The following ARHGAP8 variants were observed in gnomAD, a reference collection of about 807,000 sequenced individuals.
ARHGAP8 encodes the protein rho GTPase-activating protein 8.
In ARHGAP8, 62 loss-of-function variants were observed where a neutral mutation model predicts 46.1. The observed-to-expected ratio is 1.34, with a 90% CI of 1.10 to 1.66. The LOEUF (loss-of-function observed/expected upper bound fraction) is 1.66. Ranked by LOEUF, ARHGAP8 falls within the 40% of genes most tolerant of loss-of-function variation. ARHGAP8 has a pLI of 0.00. For missense variants in ARHGAP8, 923 were observed against 568.4 expected (o/e 1.62, Z -6.34); for synonymous variants, 375 against 243.1 (o/e 1.54, Z -5.05).
At chr22:44,860,335 C>A (rs1476680528) in intron 11 of ARHGAP8, among the ~76,000 whole-genome samples, 7 of 152,160 alleles carry the variant, frequency 4.6e-5, no homozygotes, top group Non-Finnish European at 8.8e-5. Context: ...GTGTGGCGGG[C>A]TGTGCTCCTT....
At chr22:44,858,369 GTT>G (rs67748773) in intron 10 of ARHGAP8, among the ~76,000 whole-genome samples, 19,420 of 141,930 alleles carry the variant, frequency 0.14, 1,416 homozygotes, top group East Asian at 0.3. Flanking sequence ...GTTGGTGGTG[GTT>G]TTTTTTTTTT....
chr22:44,806,755 C>A (rs1219783893), intron 3 of ARHGAP8, among the ~76,000 whole-genome samples: 1 of 151,810 alleles, frequency 6.6e-6, no homozygotes, highest in Non-Finnish European at 1.5e-5. Context: ...AAGATCAAGA[C>A]CATCCTGGCT....
At chr22:44,758,894 G>T (rs1396175535) in intron 1 of ARHGAP8, among the ~76,000 whole-genome samples, 1 of 152,214 alleles carries the variant, frequency 6.6e-6, no homozygotes, top group Admixed American at 6.5e-5. Context: ...TGGGAGAGAG[G>T]TCGGTCCTGA....
intron 1 of ARHGAP8, among the ~76,000 whole-genome samples, chr22:44,784,201 C>G (rs1350396555): frequency 2.0e-5 from 3 of 152,080 alleles, no homozygotes; most frequent in South Asian, 2.1e-4. Flanking sequence ...GCCAGGGGTT[C>G]GAGACCAGTC....
chr22:44,852,868 T>C (rs915461414), intron 10 of ARHGAP8, among the ~76,000 whole-genome samples: 1 of 152,210 alleles, frequency 6.6e-6, no homozygotes, highest in Non-Finnish European at 1.5e-5. Flanking sequence ...AGTGGCACGA[T>C]CTCGGCTCAG....
intron 8 of ARHGAP8, among the ~76,000 whole-genome samples, chr22:44,847,583 C>T (rs1438042668): frequency 1.3e-5 from 2 of 152,210 alleles, no homozygotes; most frequent in East Asian, 3.8e-4. Context: ...TGGACGTCTC[C>T]CAGGTGCCAG....
At chr22:44,785,391 C>T (rs1330735555) in intron 1 of ARHGAP8, among the ~76,000 whole-genome samples, 1 of 152,098 alleles carries the variant, frequency 6.6e-6, no homozygotes, top group Non-Finnish European at 1.5e-5. Flanking sequence ...CTGCACTTTC[C>T]CGAAGGCTCC....
In ARHGAP8 at chr22:44,862,407, C is replaced by A. The variant is rs200703595; in HGVS notation, c.1114C>A (p.Leu372Met). 66 of 1,614,058 alleles carry A rather than the reference C, an allele frequency of 4.1e-5. No individual in the cohort carries two copies. The highest frequency in any genetic ancestry group is 1.0e-5 in the Non-Finnish European group (12 of 1,180,020). ...ALVPLNMFTELLIEYYEKIFS... is the reference protein window; with the variant it reads ...ALVPLNMFTEMLIEYYEKIFS... ...TGTGCCCCTGAACATGTTCACTGAACTGCTGATCGAGTACTATGAAAAGAT... is the reference window on the plus strand; with the variant it reads ...TGTGCCCCTGAACATGTTCACTGAAATGCTGATCGAGTACTATGAAAAGAT... Residue 372 changes from leucine (L) to methionine (M), a missense_variant, in exon 12 of 12, where the codon CTG (leucine) becomes ATG (methionine). Leu to Met is a conservative substitution (Grantham distance 15). Transcript: ENST00000356099.
chr22:44,794,392 T>C (rs908265630), intron 2 of ARHGAP8, among the ~76,000 whole-genome samples: 5 of 152,172 alleles, frequency 3.3e-5, no homozygotes, highest in Admixed American at 1.3e-4. Context: ...TACAGCCCTT[T>C]GCTTTTTTTC....
chr22:44,848,226 G>A (rs1172666159), intron 9 of ARHGAP8, among the ~76,000 whole-genome samples, 176 bp downstream of exon 9: 1 of 152,256 alleles, frequency 6.6e-6, no homozygotes, highest in Non-Finnish European at 1.5e-5. Flanking sequence ...GTAGTCCAGA[G>A]TGGGGACCTT....
intron 10 of ARHGAP8, among the ~76,000 whole-genome samples, chr22:44,851,232 A>C (rs2070084971): frequency 6.6e-6 from 1 of 152,192 alleles, no homozygotes; most frequent in Admixed American, 6.5e-5. Flanking sequence ...AGTCATATTA[A>C]GCAACCCTCT....
At chr22:44,846,645 C>T (rs909731810) in intron 8 of ARHGAP8, among the ~76,000 whole-genome samples, 3 of 152,142 alleles carry the variant, frequency 2.0e-5, no homozygotes, top group South Asian at 2.1e-4. Context: ...TCCTGCTTTC[C>T]GGAAGCCCTC....
intron 1 of ARHGAP8, among the ~76,000 whole-genome samples, chr22:44,754,377 G>A (rs908233642): frequency 9.1e-6 from 1 of 109,868 alleles, no homozygotes; most frequent in Non-Finnish European, 1.9e-5. Context: ...TGTGTGTGAC[G>A]CAGTTTTCGC....
chr22:44,840,848 C>T (rs1931606722), intron 7 of ARHGAP8, among the ~76,000 whole-genome samples: 1 of 152,192 alleles, frequency 6.6e-6, no homozygotes, highest in Non-Finnish European at 1.5e-5. Context: ...TCCCTGGGGT[C>T]GCTTTTAAAA....
intron 1 of ARHGAP8, among the ~76,000 whole-genome samples, chr22:44,778,340 C>T (rs1377121911): frequency 1.3e-5 from 2 of 152,106 alleles, no homozygotes; most frequent in Admixed American, 6.6e-5. Context: ...ATCCAAGTTG[C>T]TATGAATGCC....
At chr22:44,782,587 A>G (rs1027357624) in intron 1 of ARHGAP8, among the ~76,000 whole-genome samples, 1 of 151,938 alleles carries the variant, frequency 6.6e-6, no homozygotes, top group African/African-American at 2.4e-5. Context: ...AAATGGGATC[A>G]TACCGTGTGT....
intron 1 of ARHGAP8, among the ~76,000 whole-genome samples, chr22:44,773,582 T>C (rs1442982907): frequency 6.6e-6 from 1 of 152,146 alleles, no homozygotes; most frequent in African/African-American, 2.4e-5. Context: ...AATTTTTCTT[T>C]TTTCTCTCTT....
At chr22:44,753,191 AG>A (rs1467059362) in intron 1 of ARHGAP8, among the ~76,000 whole-genome samples, 1 of 148,938 alleles carries the variant, frequency 6.7e-6, no homozygotes, top group Non-Finnish European at 1.5e-5. Flanking sequence ...TTCAACACAC[AG>A]CGGTGGAACC....
At chr22:44,855,862 AAAG>A (rs1317683433) in intron 10 of ARHGAP8, among the ~76,000 whole-genome samples, 2 of 152,176 alleles carry the variant, frequency 1.3e-5, no homozygotes, top group African/African-American at 2.4e-5. Context: ...GGTAATTTAT[AAAG>A]AAGTTTAATT....
Sources: gnomAD v4.1 joint callset for allele counts (sites outside exome capture counted in the v4.1 genomes callset) on GRCh38, gnomAD v4.1.1 for gene constraint, MANE v1.5 for transcripts, NCBI Gene and HGNC (gene_info 2026-07-23, HGNC 2026-07-21) for gene names.